Variants in ESCO1 observed in about 807,000 individuals in gnomAD.
ESCO1 encodes the protein establishment of sister chromatid cohesion N-acetyltransferase 1.
In ESCO1, 33 loss-of-function variants were observed where a neutral mutation model predicts 83.5. The ratio of observed to expected loss-of-function variants is 0.40; its 90% CI spans 0.30 to 0.53. The LOEUF (loss-of-function observed/expected upper bound fraction) is 0.53, where lower values mean the gene tolerates loss of function less well. Ranked by LOEUF, ESCO1 falls within the 20% of genes least tolerant of loss-of-function variation. The probability of loss-of-function intolerance (pLI) is 0.63; values close to 1 mark genes in which losing one functional copy is unlikely to be tolerated. For synonymous variants in ESCO1, 332 were observed against 324.3 expected (o/e 1.02, Z -0.25); for missense variants, 855 against 968.0 (o/e 0.88, Z 1.55).
chr18:21,570,299 A>G (rs1173926769), intron 4 of ESCO1, among the ~76,000 whole-genome samples: 1 of 151,870 alleles, frequency 6.6e-6, no homozygotes, highest in Non-Finnish European at 1.5e-5. Flanking sequence ...GAGTCTCACT[A>G]TGTTGCTCAA....
At chr18:21,551,892 CCA>C (rs1402543424) in intron 8 of ESCO1, among the ~76,000 whole-genome samples, 1 of 152,178 alleles carries the variant, frequency 6.6e-6, no homozygotes, top group Non-Finnish European at 1.5e-5. Flanking sequence ...CAGCCCCTCA[CCA>C]CAGTTAAGAC....
At chr18:21,595,015 TA>T (rs1326135710) in intron 1 of ESCO1, among the ~76,000 whole-genome samples, 6 of 151,336 alleles carry the variant, frequency 4.0e-5, no homozygotes, top group Admixed American at 3.3e-4. Flanking sequence ...CATGTCTGGC[TA>T]GTGTTTTTTT....
At chr18:21,543,813 A>AT (rs2037936960) in intron 8 of ESCO1, among the ~76,000 whole-genome samples, 1 of 152,244 alleles carries the variant, frequency 6.6e-6, no homozygotes, top group African/African-American at 2.4e-5. Flanking sequence ...CTAAAGGGAC[A>AT]TAACAACCAA....
chr18:21,600,324 C>G (rs1264410286), intron 1 of ESCO1, among the ~76,000 whole-genome samples: 1 of 152,262 alleles, frequency 6.6e-6, no homozygotes, highest in Non-Finnish European at 1.5e-5. Flanking sequence ...CCGGCCCTGC[C>G]CCGTCGGCGG....
intron 8 of ESCO1, among the ~76,000 whole-genome samples, chr18:21,554,682 GCAGAT>G (rs1337609380): frequency 6.6e-6 from 1 of 152,112 alleles, no homozygotes; most frequent in African/African-American, 2.4e-5. Flanking sequence ...GACGGAGGGG[GCAGAT>G]CATTTGAGGT....
intron 9 of ESCO1, among the ~76,000 whole-genome samples, chr18:21,538,640 G>T (rs1309201348): frequency 6.6e-6 from 1 of 152,034 alleles, no homozygotes; most frequent in Admixed American, 6.6e-5. Flanking sequence ...AATAACAGGC[G>T]CAAAGTATTT....
intron 2 of ESCO1, among the ~76,000 whole-genome samples, chr18:21,582,385 A>G (rs541782454): frequency 6.6e-6 from 1 of 152,072 alleles, no homozygotes. Context: ...GCACACCACC[A>G]TGCACAGGTA....
intron 4 of ESCO1, among the ~76,000 whole-genome samples, chr18:21,570,620 A>G (rs58871389): frequency 1.6e-3 from 248 of 152,340 alleles, no homozygotes; most frequent in African/African-American, 5.6e-3. Context: ...ATAAAAACTG[A>G]AAAGATCCAC....
chr18:21,532,640 C>T lies in ESCO1; in HGVS notation c.2208G>A (p.Glu736=), dbSNP rs2037782174. Residue 736 remains glutamate, a synonymous_variant, in exon 11 of 12, where the codon GAG becomes GAA. Transcript: ENST00000269214. ...HIQWGYRVIE[E]KLPVIRSEEE... is the part of the protein sequence containing the mutation. The stretch of plus-strand genomic sequence containing the variant: ...CTTCTGACCTGATAACTGGAAGTTT[C>T]TCTTCTATAACTCTGTAGCCCTACA... The T allele has an allele frequency of 6.2e-7, 1 of 1,613,878 alleles. No homozygotes were observed. The highest frequency in any genetic ancestry group is 8.5e-7 in the Non-Finnish European group (1 of 1,179,996).
rs1320950472 is a variant in ESCO1 at position 21,584,343 on chromosome 18, GTTGA to G, written c.-731_-728del. 6.6e-6 allele frequency: 1 copy of G among 150,784 alleles called. No homozygotes were observed. The highest frequency in any genetic ancestry group is 2.4e-5 in the African/African-American group (1 of 40,978). The allele number at this position is 150,784 out of a possible 1,614,324, so 9.3% of individuals were successfully genotyped here. ...AATAATATATCACCTTTTTCTTCAA[GTTGA>G]TTGATGAATGATGCTTCTGATGAAT... On this transcript the variant is annotated 5_prime_UTR_variant, in exon 2 of 12. Transcript: ENST00000269214.
At chr18:21,592,537 G>A (rs1378514878) in intron 1 of ESCO1, among the ~76,000 whole-genome samples, 6 of 148,372 alleles carry the variant, frequency 4.0e-5, no homozygotes, top group Middle Eastern at 3.5e-3. Context: ...TGGACAGGGC[G>A]GCTGGCCGGG....
In ESCO1 at chr18:21,574,855, G is replaced by A; in HGVS notation, c.-12C>T. On this transcript the variant is annotated 5_prime_UTR_variant, in exon 4 of 12. Transcript: ENST00000269214. ...TGAATGGACATCATTCCTGAGTAAT[G>A]ACTTTCTTTTCTGAGTAGTTTTGAA... The A allele has an allele frequency of 1.3e-6, 2 of 1,558,498 alleles. No homozygotes were observed. The highest frequency in any genetic ancestry group is 1.7e-6 in the Non-Finnish European group (2 of 1,165,594).
At chr18:21,594,565 G>A (rs1400149719) in intron 1 of ESCO1, among the ~76,000 whole-genome samples, 6 of 152,204 alleles carry the variant, frequency 3.9e-5, no homozygotes, top group East Asian at 1.9e-4. Context: ...TTAGCCAGGC[G>A]TGGTGGTGGG....
intron 2 of ESCO1, among the ~76,000 whole-genome samples, chr18:21,576,844 C>G (rs1172830364): frequency 1.3e-5 from 2 of 151,870 alleles, no homozygotes; most frequent in African/African-American, 4.8e-5. Flanking sequence ...ACCAGCCTGG[C>G]CAAGATGATG....
intron 11 of ESCO1, among the ~76,000 whole-genome samples, chr18:21,532,234 ATAAG>A (rs1213665201): frequency 1.3e-5 from 2 of 152,326 alleles, no homozygotes; most frequent in Admixed American, 1.3e-4. Flanking sequence ...ATAGTTACAA[ATAAG>A]TAAGTCGAAA....
At chr18:21,587,104 G>GTTATCATTT (rs1214348401) in intron 1 of ESCO1, among the ~76,000 whole-genome samples, 16 of 152,094 alleles carry the variant, frequency 1.1e-4, no homozygotes, top group Admixed American at 1.0e-3. Flanking sequence ...GTCATTGTGT[G>GTTATCATTT]TTATCATTTT....
intron 2 of ESCO1, among the ~76,000 whole-genome samples, chr18:21,578,401 C>T (rs759616068): frequency 9.2e-5 from 14 of 151,484 alleles, no homozygotes; most frequent in Non-Finnish European, 1.6e-4. Context: ...ACTAAGATGG[C>T]ACATGGGAGA....
chr18:21,531,995 C>CA (rs1301369100), intron 11 of ESCO1, among the ~76,000 whole-genome samples: 14 of 149,634 alleles, frequency 9.4e-5, no homozygotes, highest in African/African-American at 1.5e-4. Context: ...CTTTATAGGA[C>CA]AAAAAACAAA....
chr18:21,591,349 G>C (rs1026342995), intron 1 of ESCO1, among the ~76,000 whole-genome samples: 1 of 152,166 alleles, frequency 6.6e-6, no homozygotes, highest in Non-Finnish European at 1.5e-5. Flanking sequence ...ACAAATTTAA[G>C]ATAATAAATT....
Sources: gnomAD v4.1 joint callset for allele counts (sites outside exome capture counted in the v4.1 genomes callset) on GRCh38, gnomAD v4.1.1 for gene constraint, MANE v1.5 for transcripts, NCBI Gene and HGNC (gene_info 2026-07-23, HGNC 2026-07-21) for gene names.